The following BCL11B variants were observed in gnomAD, a reference collection of about 807,000 sequenced individuals.
BCL11B encodes B-cell lymphoma/leukemia 11B.
In BCL11B, 8 loss-of-function variants were observed where a neutral mutation model predicts 49.9. The ratio of observed to expected loss-of-function variants is 0.16; its 90% confidence interval spans 0.09 to 0.29. BCL11B has a LOEUF of 0.29. BCL11B is among the 10% of genes least tolerant of loss of function. The pLI is 1.00. For synonymous variants in BCL11B, 739 were observed against 637.4 expected (o/e 1.16, Z -2.40); for missense variants, 1,006 against 1,351.0 (o/e 0.74, Z 4.00).
intron 2 of BCL11B, among the ~76,000 whole-genome samples, chr14:99,237,764 G>A (rs1052842458): frequency 6.6e-6 from 1 of 152,156 alleles, no homozygotes; most frequent in East Asian, 1.9e-4. Context: ...AAAACAGTTC[G>A]AATCTACGTT....
intron 3 of BCL11B, among the ~76,000 whole-genome samples, chr14:99,209,738 C>A (rs540634308): frequency 1.3e-5 from 2 of 152,074 alleles, no homozygotes; most frequent in South Asian, 4.1e-4. Flanking sequence ...TGGAGTGGAC[C>A]GGCCAGGCCA....
At chr14:99,244,654 C>A (rs544858172) in intron 2 of BCL11B, among the ~76,000 whole-genome samples, 3 of 152,254 alleles carry the variant, frequency 2.0e-5, no homozygotes, top group Admixed American at 2.0e-4. Context: ...GCTTTGAGCT[C>A]CCAAGTGTTG....
Position 99,179,803 on chromosome 14 carries a change from T to C in BCL11B, c.641-3608A>G, listed in dbSNP as rs117077518. 1.1e-3 allele frequency among the ~76,000 whole-genome samples: 170 copies of C among 152,190 alleles called. 3 individuals carry two copies. In the East Asian group the frequency reaches 0.029, roughly 26 times the overall value. The stretch of plus-strand genomic sequence containing the variant: ...ACTTTCTTTCCAGTCCCCACTCCCT[T>C]CTTTTTTTAATAAAACATTCATTTC... On this transcript the variant is annotated intron_variant, in intron 3 of 3. Coordinates refer to ENST00000357195, the MANE Select transcript of BCL11B (RefSeq NM_138576.4).
At position 99,181,101 on chromosome 14, in the gene BCL11B, C is replaced by T. The variant is rs545348890; in HGVS notation, c.641-4906G>A. The stretch of plus-strand genomic sequence containing the variant: ...GAAAAGGCCATAATTGATAGGGGTC[C>T]TCCTAAGGCCAAGTGATACCAAAGG... On this transcript the variant is annotated intron_variant, in intron 3 of 3. Coordinates refer to ENST00000357195, the MANE Select transcript of BCL11B (RefSeq NM_138576.4). Among the ~76,000 whole-genome samples the T allele has an allele frequency of 3.9e-5, 6 of 152,296 alleles. No homozygotes were observed. The South Asian group carries it at 8.3e-4, about 21-fold the overall frequency.
chr14:99,176,178 T>C lies in BCL11B; in HGVS notation c.658A>G (p.Ser220Gly). 1 of 1,611,624 alleles carries C rather than the reference T, an allele frequency of 6.2e-7. No individual in the cohort carries two copies. The highest frequency in any genetic ancestry group is 8.5e-7 in the Non-Finnish European group (1 of 1,178,796). The change falls in exon 4 of 4, where the codon AGC (serine) becomes GGC (glycine). Residue 220 changes from serine to glycine, a missense_variant. Around this residue, in one of 6 missense-constraint regions of BCL11B, gnomAD observed 411 missense variants for 542.2 expected, o/e 0.76. Coordinates refer to ENST00000357195, the MANE Select transcript of BCL11B (RefSeq NM_138576.4). ...TGCTTGCATGTTGTGCAAATGTAGC[T>C]GGAAGGCTCATCTTTACCTGGGGAA... ...CQLSGKDEPS[S>G]YICTTCKQPF...
rs1334065341 is a variant in BCL11B, at chr14:99,175,093, G to A, written c.1743C>T (p.Gly581=). ...CGTCAGCCAGCGCCTTGGCCGCGCC[G>A]CCCCCCGCGCCCGGGACCCCGGGCA... ...GGVPGVPGAG[G]GAAKALADEK... is the part of the protein sequence containing the mutation. The change falls in exon 4 of 4, where the codon GGC becomes GGT. Residue 581 remains glycine, a synonymous_variant. Coordinates refer to ENST00000357195, the MANE Select transcript of BCL11B (RefSeq NM_138576.4). 4 of 1,597,972 alleles carry A rather than the reference G, an allele frequency of 2.5e-6. No individual in the cohort carries two copies. The highest frequency in any genetic ancestry group is 4.5e-5 in the East Asian group (2 of 44,522).
chr14:99,185,912 C>T (rs1269536783), intron 3 of BCL11B, among the ~76,000 whole-genome samples: 1 of 152,260 alleles, frequency 6.6e-6, no homozygotes, highest in African/African-American at 2.4e-5. Flanking sequence ...CACGGCTTCA[C>T]CGTCAACTTC....
At position 99,271,149 on chromosome 14, in the gene BCL11B, G is replaced by T; in HGVS notation, c.58+12C>A. On this transcript the variant is annotated intron_variant, in intron 1 of 3. Coordinates refer to ENST00000357195, the MANE Select transcript of BCL11B (RefSeq NM_138576.4). Reference sequence around the variant, plus strand: ...ATCTCCGGCCCCTCGCGCGCACTCCGCAGACACTTACGGGTGATGAGCTCC... The same window carrying T: ...ATCTCCGGCCCCTCGCGCGCACTCCTCAGACACTTACGGGTGATGAGCTCC... The T allele has an allele frequency of 6.5e-7, 1 of 1,548,546 alleles. No individual in the cohort carries two copies. The highest frequency in any genetic ancestry group is 8.7e-7 in the Non-Finnish European group (1 of 1,153,502).
At position 99,170,543 on chromosome 14, in the gene BCL11B, C is replaced by T. The variant is rs375666747; in HGVS notation, c.*3608G>A. ...AATAGAGGATTAGGGGAGGAACAGA[C>T]AGGAAGAAAAGAAATTAAATAAAAA... On this transcript the variant is annotated 3_prime_UTR_variant, in exon 4 of 4. Transcript: ENST00000357195. 1 of 227,204 alleles carries T rather than the reference C, an allele frequency of 4.4e-6. No homozygotes were observed. The highest frequency in any genetic ancestry group is 1.9e-4 in the South Asian group (1 of 5,354). The allele number at this position is 227,204 out of a possible 1,614,324, so 14.1% of individuals were successfully genotyped here.
intron 3 of BCL11B, among the ~76,000 whole-genome samples, chr14:99,218,650 T>A (rs1254946520): frequency 2.0e-5 from 3 of 152,100 alleles, no homozygotes; most frequent in African/African-American, 4.8e-5. Context: ...CAGACCTCAG[T>A]TCACCGAGAC....
rs371982162 is a variant in BCL11B at position 99,173,552 on chromosome 14, A to G, written c.*599T>C. The stretch of plus-strand genomic sequence containing the variant: ...CACACCCCCCACCCCAAAAACAAAA[A>G]CCAAAAAAAAAATTAAAAAATAATT... On this transcript the variant is annotated 3_prime_UTR_variant, in exon 4 of 4. Transcript: ENST00000357195. The G allele has an allele frequency of 7.9e-3, 1,067 of 134,608 alleles. 11 individuals are homozygous for G. The highest frequency in any genetic ancestry group is 0.029 in the African/African-American group (999 of 34,556). The allele number at this position is 134,608 out of a possible 1,614,324, so 8.3% of individuals were successfully genotyped here. A position where few individuals can be genotyped will look rare whatever the true frequency, so the allele number is the denominator to read the frequency against.
At chr14:99,258,453 A>C (rs1426733845) in intron 1 of BCL11B, among the ~76,000 whole-genome samples, 1 of 143,896 alleles carries the variant, frequency 6.9e-6, no homozygotes, top group African/African-American at 2.6e-5. Context: ...TGCGAATCCC[A>C]CTCACATTCC....
At chr14:99,204,791 A>C (rs1434215612) in intron 3 of BCL11B, among the ~76,000 whole-genome samples, 1 of 152,230 alleles carries the variant, frequency 6.6e-6, no homozygotes, top group Non-Finnish European at 1.5e-5. Context: ...GAACAGCAGC[A>C]TCTTCCTTCC....
intron 3 of BCL11B, among the ~76,000 whole-genome samples, chr14:99,181,216 C>T (rs1433329932): frequency 6.6e-6 from 1 of 152,144 alleles, no homozygotes; most frequent in Non-Finnish European, 1.5e-5. Flanking sequence ...CAAGCAGGGC[C>T]CGGGGTGATA....
chr14:99,178,059 C>T (rs1007377094), intron 3 of BCL11B, among the ~76,000 whole-genome samples: 2 of 152,140 alleles, frequency 1.3e-5, no homozygotes, highest in Non-Finnish European at 2.9e-5. Context: ...ATGCCTGCAG[C>T]GTCACAGAAG....
In BCL11B at chr14:99,231,256, C is replaced by A; in HGVS notation, c.640+89G>T. 1 of 1,411,516 alleles carries A rather than the reference C, an allele frequency of 7.1e-7. No individual in the cohort carries two copies. The highest frequency in any genetic ancestry group is 9.6e-7 in the Non-Finnish European group (1 of 1,040,232). The allele number at this position is 1,411,516 out of a possible 1,614,324, so 87.4% of individuals were successfully genotyped here. ...GCCTTCTGGGTGGGAGCTGCCCTTC[C>A]TCCCTGGGTCCCCACCTTGCTCCAG... On this transcript the variant is annotated intron_variant, in intron 3 of 3. Transcript: ENST00000357195. The surrounding 1 kb of genome is among the most constrained non-coding windows in gnomAD (Gnocchi z 8.1).
At chr14:99,210,496 C>A (rs1033324080) in intron 3 of BCL11B, among the ~76,000 whole-genome samples, 2 of 152,090 alleles carry the variant, frequency 1.3e-5, no homozygotes, top group Non-Finnish European at 2.9e-5. Context: ...GAGAAATCAC[C>A]GAGAAGAGCT....
intron 3 of BCL11B, among the ~76,000 whole-genome samples, chr14:99,199,675 T>C (rs865855140): frequency 0.019 from 1,573 of 84,570 alleles, 11 homozygotes; most frequent in South Asian, 0.029. Context: ...TGTGTGTGTG[T>C]GTGTGTGTGC....
intron 2 of BCL11B, among the ~76,000 whole-genome samples, chr14:99,250,867 G>GA (rs11375473): frequency 0.97 from 144,689 of 148,760 alleles, 70,459 homozygotes; most frequent in East Asian, 1. Flanking sequence ...AACCTTAAGA[G>GA]AAAAAAAAAA....
Sources: gnomAD v4.1 joint callset for allele counts (sites outside exome capture counted in the v4.1 genomes callset) on GRCh38, gnomAD v4.1.1 for gene constraint, gnomAD v4.1.1 regional missense constraint, Gnocchi (gnomAD v3.1) non-coding constraint, MANE v1.5 for transcripts, NCBI Gene and HGNC (gene_info 2026-07-23, HGNC 2026-07-21) for gene names.